GLMN: variants seen among roughly 807,000 people sequenced by gnomAD.
GLMN encodes the protein glomulin, FKBP associated protein, also known as glomulin.
A neutral mutation model predicts 87.8 loss-of-function variants in GLMN; 75 were observed. The observed-to-expected ratio is 0.85, with a 90% CI of 0.71 to 1.04. The LOEUF is 1.04. Ranked by LOEUF, GLMN falls within the 50% of genes least tolerant of loss-of-function variation. The probability of loss-of-function intolerance (pLI) is 0.00; values close to 1 mark genes in which losing one functional copy is unlikely to be tolerated. For synonymous variants in GLMN, 206 were observed against 221.6 expected, an observed-to-expected ratio of 0.93 and a Z score of 0.63; for missense variants, 588 against 658.8, an observed-to-expected ratio of 0.89 and a Z score of 1.18.
At chr1:92,271,367 T>TGTGTTTACTATTTATTTAAA in intron 8 of GLMN, 98 bp downstream of exon 8, 1 of 863,072 alleles carries the variant, frequency 1.2e-6, no homozygotes. Flanking sequence ...ATTTAAAATG[T>TGTGTTTACTATTTATTTAAA]ATTAGTGTGT....
intron 16 of GLMN, among the ~76,000 whole-genome samples, chr1:92,248,906 C>A (rs999032627): frequency 6.6e-6 from 1 of 152,030 alleles, no homozygotes; most frequent in African/African-American, 2.4e-5. Flanking sequence ...CTAAAACCCT[C>A]AAAAATATGC....
chr1:92,367,909 TGA>T, the GLMN span, among the ~76,000 whole-genome samples: 1 of 152,218 alleles, frequency 6.6e-6, no homozygotes. Context: ...AATCCTTCTA[TGA>T]GAGAGTTATT....
the GLMN span, among the ~76,000 whole-genome samples, chr1:92,358,754 T>A: frequency 1.3e-4 from 20 of 148,450 alleles, no homozygotes; most frequent in African/African-American, 4.2e-4. Flanking sequence ...TGCTCAGCTT[T>A]AAAAAAAAAA....
the GLMN span, among the ~76,000 whole-genome samples, chr1:92,341,996 T>C: frequency 6.6e-6 from 1 of 152,348 alleles, no homozygotes; most frequent in African/African-American, 2.4e-5. Flanking sequence ...TTATCCTTAT[T>C]TGAGCTAGCT....
chr1:92,295,789 CT>C (rs1471911275), intron 3 of GLMN, among the ~76,000 whole-genome samples: 1 of 152,158 alleles, frequency 6.6e-6, no homozygotes, highest in Non-Finnish European at 1.5e-5. Flanking sequence ...CACCTACCTT[CT>C]GAGATTTTGG....
At chr1:92,351,883 T>C in the GLMN span, among the ~76,000 whole-genome samples, 119 of 152,270 alleles carry the variant, frequency 7.8e-4, no homozygotes, top group African/African-American at 2.8e-3. Flanking sequence ...GCCACTACTT[T>C]GTATTCTGAT....
chr1:92,273,936 CT>C (rs1178001737), intron 7 of GLMN, among the ~76,000 whole-genome samples: 1 of 152,130 alleles, frequency 6.6e-6, no homozygotes, highest in Non-Finnish European at 1.5e-5. Context: ...TTCATGGCAG[CT>C]TTTGTCCTTT....
chr1:92,342,018 A>G, the GLMN span, among the ~76,000 whole-genome samples: 1 of 152,232 alleles, frequency 6.6e-6, no homozygotes, highest in African/African-American at 2.4e-5. Flanking sequence ...CTTTGGCTAT[A>G]TGCTAGATAC....
chr1:92,333,502 G>A, the GLMN span: 4 of 1,479,464 alleles, frequency 2.7e-6, no homozygotes, highest in Non-Finnish European at 3.8e-6. Flanking sequence ...TTCCAGCTTT[G>A]TAGTAGTTTT....
the GLMN span, among the ~76,000 whole-genome samples, chr1:92,346,779 T>C: frequency 6.6e-6 from 1 of 152,204 alleles, no homozygotes; most frequent in African/African-American, 2.4e-5. Flanking sequence ...TAAGGCTATT[T>C]ATCAATAGGG....
At chr1:92,265,040 A>G (rs1157120863) in intron 13 of GLMN, among the ~76,000 whole-genome samples, 1 of 152,070 alleles carries the variant, frequency 6.6e-6, no homozygotes, top group Non-Finnish European at 1.5e-5. Flanking sequence ...ACAGGGTTTC[A>G]CCATGTTGGC....
chr1:92,264,152 C>CA (rs1655345576), intron 14 of GLMN, among the ~76,000 whole-genome samples: 1 of 151,994 alleles, frequency 6.6e-6, no homozygotes, highest in Non-Finnish European at 1.5e-5. Context: ...TCCATCTCTA[C>CA]AAAATCAAAA....
intron 17 of GLMN, among the ~76,000 whole-genome samples, chr1:92,247,513 T>C (rs955722887): frequency 8.5e-5 from 13 of 152,336 alleles, no homozygotes; most frequent in Non-Finnish European, 1.6e-4. Context: ...TATAGAATTA[T>C]TGACTTAAAA....
Position 92,263,871 on chromosome 1 carries a change from C to T in GLMN, c.1300-139G>A. On this transcript the variant is annotated intron_variant, in intron 14 of 18. Coordinates refer to ENST00000370360, the MANE Select transcript of GLMN (RefSeq NM_053274.3). ...ACTTTAATTTCCGTACTTTCATTCA[C>T]TTTCCAGACACCAGGAACGAACCCT... 4.5e-6 allele frequency: 3 copies of T among 672,902 alleles called. No homozygotes were observed. In the Admixed American group the frequency reaches 6.5e-5, roughly 15 times the overall value. The allele number at this position is 672,902 out of a possible 1,614,324, so 41.7% of individuals were successfully genotyped here.
At chr1:92,317,550 TAAATG>T in the GLMN span, among the ~76,000 whole-genome samples, 2 of 152,144 alleles carry the variant, frequency 1.3e-5, no homozygotes, top group Admixed American at 1.3e-4. Context: ...GTGTGAGGAT[TAAATG>T]AAATAATGTG....
the GLMN span, among the ~76,000 whole-genome samples, chr1:92,351,863 T>A: frequency 6.6e-6 from 1 of 152,172 alleles, no homozygotes; most frequent in Admixed American, 6.5e-5. Flanking sequence ...TATAAAAGCT[T>A]TGTAAATAAG....
At chr1:92,291,699 C>T (rs555278567) in intron 3 of GLMN, among the ~76,000 whole-genome samples, 162 bp from the exon 4 acceptor site, 15 of 152,340 alleles carry the variant, frequency 9.8e-5, no homozygotes, top group African/African-American at 3.6e-4. Flanking sequence ...TGGCTACTAA[C>T]AGACATCAAC....
rs761930416 is a variant in GLMN at position 92,247,024 on chromosome 1, AAAG to A, written c.1668+35_1668+37del. The A allele has an allele frequency of 1.1e-5, 12 of 1,092,820 alleles. No homozygotes were observed. In the South Asian group the frequency reaches 1.5e-4, roughly 14 times the overall value. The allele number at this position is 1,092,820 out of a possible 1,614,324, so 67.7% of individuals were successfully genotyped here. On this transcript the variant is annotated intron_variant, in intron 18 of 18. Transcript: ENST00000370360. ...GGCAAGATAGCAAGACCCCGTTTCTAAAGAAGAAAAAGGAAAGAAAAGAAAATT... is the reference window on the plus strand; with the variant it reads ...GGCAAGATAGCAAGACCCCGTTTCTAAAGAAAAAGGAAAGAAAAGAAAATT...
chr1:92,304,023 G>A, the GLMN span: 47 of 1,612,918 alleles, frequency 2.9e-5, no homozygotes, highest in African/African-American at 4.3e-4. Context: ...GTGGATGAAC[G>A]TTCTATTGTC....
Sources: gnomAD v4.1 joint callset for allele counts (sites outside exome capture counted in the v4.1 genomes callset) on GRCh38, gnomAD v4.1.1 for gene constraint, MANE v1.5 for transcripts, NCBI Gene and HGNC (gene_info 2026-07-23, HGNC 2026-07-21) for gene names.